Variants in PLB1 observed in about 807,000 individuals in gnomAD.
PLB1 encodes the protein phospholipase B1.
In PLB1, 242 loss-of-function variants were observed where a neutral mutation model predicts 227.4. The observed-to-expected ratio is 1.06, with a 90% CI of 0.96 to 1.18. The LOEUF (loss-of-function observed/expected upper bound fraction) is 1.18. PLB1 is among the 50% of genes most tolerant of loss of function. The pLI, the probability that PLB1 is intolerant of heterozygous loss-of-function variation, is 0.00. For synonymous variants in PLB1, 757 were observed against 682.2 expected, an observed-to-expected ratio of 1.11 and a Z score of -1.71; for missense variants, 1,858 against 1,816.3, an observed-to-expected ratio of 1.02 and a Z score of -0.42.
At position 28,539,173 on chromosome 2, in the gene PLB1, G is replaced by A; in HGVS notation, c.693G>A (p.Trp231Ter). Residue 231 changes from tryptophan (W) to a stop codon, truncating the protein, a stop_gained, in exon 11 of 58, where the codon TGG (tryptophan) becomes TGA (stop). Coordinates refer to ENST00000327757, the MANE Select transcript of PLB1 (RefSeq NM_153021.5). LOFTEE classifies it high-confidence loss of function. Reference protein sequence around the residue: ...AEVSRQYHGTWLSPAPEPCNC... With the variant: ...AEVSRQYHGT ...TCTCTCGTCAGTATCACGGCACTTG[G>A]CTCAGGTAAAAGGGGAAGTGGAATG... 1 of 1,613,140 alleles carries A rather than the reference G, an allele frequency of 6.2e-7. No individual in the cohort carries two copies. The highest frequency in any genetic ancestry group is 1.3e-5 in the African/African-American group (1 of 75,026).
At chr2:28,605,175 G>C (rs188815422) in intron 41 of PLB1, among the ~76,000 whole-genome samples, 11 of 152,310 alleles carry the variant, frequency 7.2e-5, no homozygotes, top group Non-Finnish European at 1.2e-4. Context: ...GGTCTCTCTC[G>C]TGTGCAACGC....
chr2:28,642,183 A>G (rs911069460), intron 57 of PLB1, among the ~76,000 whole-genome samples: 8 of 152,078 alleles, frequency 5.3e-5, no homozygotes, highest in African/African-American at 1.9e-4. Flanking sequence ...TGTACCTCTC[A>G]TGAGACACCG....
At chr2:28,550,253 A>G (rs1572912852) in intron 16 of PLB1, among the ~76,000 whole-genome samples, 169 bp downstream of exon 16, 1 of 146,204 alleles carries the variant, frequency 6.8e-6, no homozygotes, top group Non-Finnish European at 1.5e-5. Flanking sequence ...GCTCACTGCC[A>G]CCTCCACCTC....
rs747790299 is a variant in PLB1, at chr2:28,582,056, C to T, written c.1567-12C>T. On this transcript the variant is annotated splice_polypyrimidine_tract_variant and intron_variant, in intron 23 of 57. Transcript: ENST00000327757. ...ACAAATGGTGTTCAAGGGACACTTC[C>T]TCTTCCTGCAGGTCCACTATTCTCC... 3 of 1,610,778 alleles carry T rather than the reference C, an allele frequency of 1.9e-6. No homozygotes were observed. Among genetic ancestry groups the T allele is most frequent in the East Asian group, 2.2e-5 (1 of 44,864 alleles).
chr2:28,639,380 G>T (rs1417488736), intron 56 of PLB1, among the ~76,000 whole-genome samples: 1 of 152,160 alleles, frequency 6.6e-6, no homozygotes, highest in African/African-American at 2.4e-5. Flanking sequence ...GGCGATCGTT[G>T]GTGGCCAGGG....
chr2:28,589,941 C>A, intron 28 of PLB1, 64 bp from the exon 29 acceptor site: 1 of 1,490,528 alleles, frequency 6.7e-7, no homozygotes, highest in Non-Finnish European at 9.4e-7. Flanking sequence ...CCCTGACCTG[C>A]GTCCTGAGCT....
At chr2:28,499,007 A>G (rs956416905) in intron 1 of PLB1, among the ~76,000 whole-genome samples, 15 of 152,158 alleles carry the variant, frequency 9.9e-5, no homozygotes, top group African/African-American at 3.6e-4. Context: ...ATGCCTCTCA[A>G]AGTTTTCTCT....
rs758635430 is a variant in PLB1 at position 28,532,245 on chromosome 2, G to C, written c.555+51G>C. The stretch of plus-strand genomic sequence containing the variant: ...GGATTACAGATGCTGGGGTGGAGAG[G>C]GAGTGAACTAAACCTGCCTGATTAC... On this transcript the variant is annotated intron_variant, in intron 9 of 57. Coordinates refer to ENST00000327757, the MANE Select transcript of PLB1 (RefSeq NM_153021.5). The C allele has an allele frequency of 2.7e-6, 4 of 1,482,438 alleles. No individual in the cohort carries two copies. In the Admixed American group the frequency reaches 7.1e-5, roughly 26 times the overall value. The allele number at this position is 1,482,438 out of a possible 1,614,324, so 91.8% of individuals were successfully genotyped here.
chr2:28,518,706 A>G (rs1669142108), intron 3 of PLB1, among the ~76,000 whole-genome samples, 174 bp downstream of exon 3: 1 of 152,138 alleles, frequency 6.6e-6, no homozygotes, highest in South Asian at 2.1e-4. Context: ...ATATTTCCAC[A>G]GTGGCTTGCT....
At chr2:28,550,872 C>T (rs923092595) in intron 16 of PLB1, among the ~76,000 whole-genome samples, 1 of 152,080 alleles carries the variant, frequency 6.6e-6, no homozygotes. Flanking sequence ...CTGGAACTCC[C>T]GCTGCCCCTA....
chr2:28,590,437 T>C (rs1406072811), intron 29 of PLB1, among the ~76,000 whole-genome samples: 1 of 152,112 alleles, frequency 6.6e-6, no homozygotes, highest in Non-Finnish European at 1.5e-5. Flanking sequence ...CTTGTCTTCA[T>C]ATAGCCCCTG....
chr2:28,607,683 G>A (rs1684877938), intron 43 of PLB1, among the ~76,000 whole-genome samples: 1 of 152,102 alleles, frequency 6.6e-6, no homozygotes, highest in South Asian at 2.1e-4. Context: ...CCCCTACTGT[G>A]CCAGGTGTAA....
At chr2:28,635,307 CT>C (rs1689167707) in intron 56 of PLB1, among the ~76,000 whole-genome samples, 1 of 152,124 alleles carries the variant, frequency 6.6e-6, no homozygotes, top group Admixed American at 6.5e-5. Flanking sequence ...AATTTCACCC[CT>C]AGAGTAACAA....
chr2:28,626,659 T>C (rs1375120471), intron 51 of PLB1, 151 bp downstream of exon 51: 1 of 713,182 alleles, frequency 1.4e-6, no homozygotes, highest in Non-Finnish European at 2.4e-6. Flanking sequence ...GGTTTACACA[T>C]GCCAGGCAAG....
In PLB1 at chr2:28,630,567, A is replaced by G. The variant is rs761356597; in HGVS notation, c.3819-19A>G. On this transcript the variant is annotated intron_variant, in intron 53 of 57. Transcript: ENST00000327757. ...ACAGTGCCCCAGGCAGCCTCAATAC[A>G]ACACTCCCTGTCTCACAGGAACAAC... 1.9e-6 allele frequency: 3 copies of G among 1,610,444 alleles called. No homozygotes were observed. The highest frequency in any genetic ancestry group is 2.5e-6 in the Non-Finnish European group (3 of 1,177,294).
chr2:28,546,790 CTTCT>C (rs967507757), intron 14 of PLB1, among the ~76,000 whole-genome samples: 22 of 151,770 alleles, frequency 1.4e-4, no homozygotes, highest in African/African-American at 5.1e-4. Context: ...ATGAATTTTC[CTTCT>C]TTGAGGCCCT....
chr2:28,572,434 C>A (rs1190663507), intron 20 of PLB1, among the ~76,000 whole-genome samples: 3 of 152,116 alleles, frequency 2.0e-5, no homozygotes. Context: ...GAAATCCACA[C>A]AAAAACTTGT....
chr2:28,540,584 G>C (rs1368242432), intron 12 of PLB1, 143 bp downstream of exon 12: 35 of 681,196 alleles, frequency 5.1e-5, no homozygotes, highest in Non-Finnish European at 8.3e-5. Context: ...CAGGAGCAAA[G>C]AGAGCTACTC....
chr2:28,635,619 C>T (rs866002777), intron 56 of PLB1, among the ~76,000 whole-genome samples: 3 of 116,714 alleles, frequency 2.6e-5, no homozygotes, highest in African/African-American at 7.9e-5. Context: ...GGGTTCCCTA[C>T]TAGGAAGCAA....
Sources: allele counts gnomAD v4.1 joint callset (sites outside exome capture counted in the v4.1 genomes callset), GRCh38; gene constraint gnomAD v4.1.1; transcripts MANE v1.5; gene names NCBI Gene and HGNC (gene_info 2026-07-23, HGNC 2026-07-21).